The following AGMO variants were observed in gnomAD, a reference collection of about 807,000 sequenced individuals.
AGMO encodes glyceryl-ether monooxygenase.
Under a neutral mutation model 60.2 loss-of-function variants are expected in AGMO, and 75 were observed. The observed-to-expected ratio is 1.25, with a 90% CI of 1.03 to 1.51. AGMO has a LOEUF of 1.51. Among genes scored for constraint, AGMO ranks in the 40% most tolerant of loss-of-function variants. The pLI, the probability that AGMO is intolerant of heterozygous loss-of-function variation, is 0.00. For missense variants in AGMO, 763 were observed against 525.5 expected, an observed-to-expected ratio of 1.45 and a Z score of -4.42; for synonymous variants, 261 against 177.1, an observed-to-expected ratio of 1.47 and a Z score of -3.76.
At position 15,541,113 on chromosome 7, in the gene AGMO, G is replaced by C. The variant is rs565623291; in HGVS notation, c.409+3659C>G. ...ATGCCAGTTGTTTTTTTGTTTGTTT[G>C]TTTTTTTGTTTTTGTGGGTTTTTTT... On this transcript the variant is annotated intron_variant, in intron 3 of 12. Coordinates refer to ENST00000342526, the MANE Select transcript of AGMO (RefSeq NM_001004320.2). Among the ~76,000 whole-genome samples the C allele has an allele frequency of 2.0e-5, 3 of 151,982 alleles. No homozygotes were observed. In the East Asian group the frequency reaches 5.8e-4, roughly 30 times the overall value.
intron 12 of AGMO, among the ~76,000 whole-genome samples, chr7:15,312,427 T>G (rs1191764656): frequency 6.6e-6 from 1 of 151,584 alleles, no homozygotes; most frequent in Non-Finnish European, 1.5e-5. Context: ...AGTGTTAGAA[T>G]GAGGGCTGAC....
intron 5 of AGMO, among the ~76,000 whole-genome samples, chr7:15,408,254 T>G (rs191377147): frequency 4.3e-4 from 66 of 151,914 alleles, no homozygotes; most frequent in African/African-American, 1.6e-3. Context: ...AATTTAAGGG[T>G]TTTGATTTTA....
intron 12 of AGMO, among the ~76,000 whole-genome samples, chr7:15,239,183 T>C (rs1215168875): frequency 6.6e-6 from 1 of 152,150 alleles, no homozygotes; most frequent in Non-Finnish European, 1.5e-5. Context: ...TGTTGCTTAC[T>C]GTTCAAAGGG....
chr7:15,255,055 G>A (rs566769892), intron 12 of AGMO, among the ~76,000 whole-genome samples: 5 of 152,176 alleles, frequency 3.3e-5, no homozygotes, highest in African/African-American at 1.2e-4. Context: ...CATGTCCTTC[G>A]CAGGGACATG....
chr7:15,196,570 G>C (rs897910775), downstream of AGMO, among the ~76,000 whole-genome samples: 6 of 152,184 alleles, frequency 3.9e-5, no homozygotes, highest in African/African-American at 1.4e-4. Context: ...TTTGGCTGTA[G>C]CTTCTGCAGC....
chr7:15,284,626 T>G (rs1244744363), intron 12 of AGMO, among the ~76,000 whole-genome samples: 2 of 151,942 alleles, frequency 1.3e-5, no homozygotes, highest in Non-Finnish European at 2.9e-5. Flanking sequence ...GATCCACAGC[T>G]AAATTCCACC....
intron 12 of AGMO, among the ~76,000 whole-genome samples, chr7:15,248,533 A>T (rs1782835519): frequency 6.6e-6 from 1 of 152,096 alleles, no homozygotes; most frequent in South Asian, 2.1e-4. Flanking sequence ...GCAAGTGGTG[A>T]CTTATGAGTC....
At chr7:15,495,626 T>C (rs1391061042) in intron 3 of AGMO, among the ~76,000 whole-genome samples, 3 of 152,186 alleles carry the variant, frequency 2.0e-5, no homozygotes, top group Non-Finnish European at 4.4e-5. Context: ...CTCAGGCTGC[T>C]GTAACAAAAT....
the AGMO span, among the ~76,000 whole-genome samples, chr7:15,131,871 G>T: frequency 2.6e-5 from 4 of 151,776 alleles, no homozygotes; most frequent in Admixed American, 2.0e-4. Context: ...GAGAACAACT[G>T]CAATCCTGAG....
At chr7:15,129,177 A>T in the AGMO span, among the ~76,000 whole-genome samples, 5 of 152,084 alleles carry the variant, frequency 3.3e-5, no homozygotes, top group Non-Finnish European at 7.4e-5. Context: ...TGATTGCTAC[A>T]TAAGTGTGGT....
chr7:15,233,935 T>G (rs1782337025), intron 12 of AGMO, among the ~76,000 whole-genome samples: 2 of 152,054 alleles, frequency 1.3e-5, no homozygotes, highest in South Asian at 4.2e-4. Context: ...TAATCCCAGC[T>G]ACTTGGGAGG....
chr7:15,305,358 T>C (rs925176530), intron 12 of AGMO, among the ~76,000 whole-genome samples: 3 of 151,996 alleles, frequency 2.0e-5, no homozygotes, highest in East Asian at 3.9e-4. Context: ...CTCCTTGATA[T>C]GGAAAAATGA....
chr7:15,378,690 G>A (rs1299107942), intron 10 of AGMO, among the ~76,000 whole-genome samples: 1 of 151,692 alleles, frequency 6.6e-6, no homozygotes, highest in South Asian at 2.1e-4. Flanking sequence ...AGACCAAATG[G>A]ACCTGATAGA....
Position 15,549,209 on chromosome 7 carries a change from A to G in AGMO, c.258-4286T>C, listed in dbSNP as rs1213933242. ...AACAACCGGTACCAGCCGCTGCAAA[A>G]TCATGCCAAAATGTAAAGACCATCG... is the stretch of plus-strand genomic sequence containing the variant. On this transcript the variant is annotated intron_variant, in intron 2 of 12. Coordinates refer to ENST00000342526, the MANE Select transcript of AGMO (RefSeq NM_001004320.2). Among the ~76,000 whole-genome samples the G allele has an allele frequency of 4.1e-5, 6 of 144,594 alleles. 1 individual carries two copies. The East Asian group carries it at 1.2e-3, about 29-fold the overall frequency. 94.9% of individuals were successfully genotyped at this position (144,594 alleles called of 152,430 possible). A position where few individuals can be genotyped will look rare whatever the true frequency, so the allele number is the denominator to read the frequency against.
the AGMO span, among the ~76,000 whole-genome samples, chr7:15,163,780 CT>C: frequency 2.0e-5 from 3 of 150,352 alleles, no homozygotes; most frequent in African/African-American, 7.3e-5. Context: ...CTACAGTTTT[CT>C]TTTTTTTTAT....
chr7:15,438,579 A>G (rs2128500895), intron 3 of AGMO, among the ~76,000 whole-genome samples: 1 of 152,314 alleles, frequency 6.6e-6, no homozygotes, highest in African/African-American at 2.4e-5. Flanking sequence ...AGTGATAATA[A>G]CATGTTTTAC....
chr7:15,126,973 C>T, the AGMO span, among the ~76,000 whole-genome samples: 1 of 152,096 alleles, frequency 6.6e-6, no homozygotes, highest in African/African-American at 2.4e-5. Context: ...CAAACATTTC[C>T]TTTCTATTGA....
chr7:15,236,920 A>G (rs1388832443), intron 12 of AGMO, among the ~76,000 whole-genome samples: 3 of 152,136 alleles, frequency 2.0e-5, no homozygotes, highest in Admixed American at 1.3e-4. Context: ...GAAACTGGTA[A>G]ATAAAAGTGT....
At chr7:15,485,239 C>T (rs1245607208) in intron 3 of AGMO, among the ~76,000 whole-genome samples, 1 of 149,848 alleles carries the variant, frequency 6.7e-6, no homozygotes, top group East Asian at 2.0e-4. Flanking sequence ...ATCCCTTGAA[C>T]CTGGGAAGCA....
Sources: allele counts gnomAD v4.1 joint callset (sites outside exome capture counted in the v4.1 genomes callset), GRCh38; gene constraint gnomAD v4.1.1; transcripts MANE v1.5; gene names NCBI Gene and HGNC (gene_info 2026-07-23, HGNC 2026-07-21).